Variants in ISX observed in about 807,000 individuals in gnomAD.
ISX encodes the protein intestine specific homeobox, also known as intestine-specific homeobox.
A neutral mutation model predicts 16.9 loss-of-function variants in ISX; 15 were observed. The ratio of observed to expected loss-of-function variants is 0.89; its 90% CI spans 0.59 to 1.36. The LOEUF (loss-of-function observed/expected upper bound fraction) is 1.36, where lower values mean the gene tolerates loss of function less well. Ranked by LOEUF, ISX falls within the 40% of genes most tolerant of loss-of-function variation. The probability of loss-of-function intolerance (pLI) is 0.00; values close to 1 mark genes in which losing one functional copy is unlikely to be tolerated. For synonymous variants in ISX, 125 were observed against 119.7 expected (o/e 1.04, Z -0.29); for missense variants, 316 against 306.1 (o/e 1.03, Z -0.24).
Position 35,067,209 on chromosome 22 carries a change from C to A in ISX, c.122C>A (p.Ala41Asp). Reference protein sequence around the residue: ...FSIEAILKRPARRSDMDRPEG... With the variant: ...FSIEAILKRPDRRSDMDRPEG... ...ATTGAGGCGATCCTAAAGAGGCCTG[C>A]CAGGAGGAGTGATATGGACAGACCA... Residue 41 changes from alanine (A) to aspartate (D), a missense_variant, in exon 2 of 5, where the codon GCC (alanine) becomes GAC (aspartate). Coordinates refer to ENST00000404699, the MANE Select transcript of ISX (RefSeq NM_001303508.2). The A allele has an allele frequency of 6.2e-7, 1 of 1,610,900 alleles. No individual in the cohort carries two copies. Among genetic ancestry groups the A allele is most frequent in the Non-Finnish European group, 8.5e-7 (1 of 1,178,516 alleles).
chr22:35,073,605 T>G (rs956620949), intron 2 of ISX, among the ~76,000 whole-genome samples: 8 of 152,182 alleles, frequency 5.3e-5, no homozygotes, highest in Non-Finnish European at 8.8e-5. Context: ...TCCAAGGGAC[T>G]ATTCCATGGG....
Position 35,080,070 on chromosome 22 carries a change from C to G in ISX, c.230-2448C>G, listed in dbSNP as rs138209758. ...ATAATTGGTCTCTCTGCAGCATGGA[C>G]CCAGCTGACTGTGCCTTCTTTCAGT... On this transcript the variant is annotated intron_variant, in intron 2 of 4. Coordinates refer to ENST00000404699, the MANE Select transcript of ISX (RefSeq NM_001303508.2). Among the ~76,000 whole-genome samples the G allele has an allele frequency of 9.4e-4, 143 of 152,272 alleles. 1 individual carries two copies. The highest frequency in any genetic ancestry group is 3.3e-3 in the African/African-American group (138 of 41,560).
chr22:35,067,375 A>G, intron 2 of ISX, 59 bp downstream of exon 2: 1 of 1,246,558 alleles, frequency 8.0e-7, no homozygotes, highest in Non-Finnish European at 1.1e-6. Context: ...AGCTGGGCTC[A>G]GGCAGAGAAA....
At chr22:35,075,071 C>G (rs73883512) in intron 2 of ISX, among the ~76,000 whole-genome samples, 14 of 152,128 alleles carry the variant, frequency 9.2e-5, no homozygotes, top group Non-Finnish European at 1.6e-4. Context: ...AATACAAATA[C>G]GATATACAAA....
chr22:35,071,490 G>A lies in ISX; in HGVS notation c.229+4174G>A, dbSNP rs141609995. On this transcript the variant is annotated intron_variant, in intron 2 of 4. Transcript: ENST00000404699. ...CCTTATTCTTCTTTGACTTGTAGACGCATCACTCCACTTTGCCTCCATCTT... is the reference window on the plus strand; with the variant it reads ...CCTTATTCTTCTTTGACTTGTAGACACATCACTCCACTTTGCCTCCATCTT... 2.5e-3 allele frequency among the ~76,000 whole-genome samples: 383 copies of A among 152,196 alleles called. 4 individuals are homozygous for A. Among genetic ancestry groups the A allele is most frequent in the African/African-American group, 8.1e-3 (337 of 41,518 alleles).
At chr22:35,083,705 G>T (rs73168073) in intron 3 of ISX, among the ~76,000 whole-genome samples, 148 of 152,194 alleles carry the variant, frequency 9.7e-4, no homozygotes, top group Non-Finnish European at 1.9e-3. Context: ...TTTCCTTCTG[G>T]CTGGGGACCA....
intron 2 of ISX, among the ~76,000 whole-genome samples, chr22:35,068,371 C>T (rs1240088947): frequency 2.6e-5 from 4 of 152,202 alleles, no homozygotes; most frequent in African/African-American, 4.8e-5. Context: ...GATGAGGGGT[C>T]GCACTCAGCT....
chr22:35,082,816 A>G (rs1569113900), intron 3 of ISX, 147 bp downstream of exon 3: 1 of 782,162 alleles, frequency 1.3e-6, no homozygotes, highest in East Asian at 2.7e-5. Context: ...GCCAAATATT[A>G]TTTTCCATGA....
chr22:35,084,361 C>A (rs749440828), intron 3 of ISX, 22 bp from the exon 4 acceptor site: 2 of 1,554,180 alleles, frequency 1.3e-6, no homozygotes, highest in Non-Finnish European at 1.8e-6. Flanking sequence ...TGCTTATCCC[C>A]GTCCTTTCTC....
chr22:35,076,584 A>C (rs1601558818), intron 2 of ISX, among the ~76,000 whole-genome samples: 1 of 152,134 alleles, frequency 6.6e-6, no homozygotes, highest in African/African-American at 2.4e-5. Flanking sequence ...TGGTGAACCC[A>C]CTGTTTTCAG....
intron 2 of ISX, among the ~76,000 whole-genome samples, chr22:35,081,219 G>A (rs1459833063): frequency 6.6e-6 from 1 of 152,210 alleles, no homozygotes; most frequent in Non-Finnish European, 1.5e-5. Context: ...ATCCCAGACC[G>A]AGGTGATTGT....
intron 2 of ISX, among the ~76,000 whole-genome samples, chr22:35,067,932 C>T (rs1438032344): frequency 6.6e-6 from 1 of 152,228 alleles, no homozygotes; most frequent in Non-Finnish European, 1.5e-5. Flanking sequence ...GGCATGTCCC[C>T]AGATAACAGT....
At position 35,082,684 on chromosome 22, in the gene ISX, A is replaced by T. The variant is rs1929151351; in HGVS notation, c.381+15A>T. 4 of 1,613,480 alleles carry T rather than the reference A, an allele frequency of 2.5e-6. No homozygotes were observed. Among genetic ancestry groups the T allele is most frequent in the Middle Eastern group, 1.6e-4 (1 of 6,084 alleles). On this transcript the variant is annotated intron_variant, in intron 3 of 4. Coordinates refer to ENST00000404699, the MANE Select transcript of ISX (RefSeq NM_001303508.2). ...CTCGGGTGCAGGTACAGCCATCCCT[A>T]CCTCAGCCCCCAGCCTCCATGCCCT...
chr22:35,079,197 G>C (rs1929063933), intron 2 of ISX, among the ~76,000 whole-genome samples: 1 of 152,196 alleles, frequency 6.6e-6, no homozygotes, highest in African/African-American at 2.4e-5. Flanking sequence ...TTCTTAGTAT[G>C]TGATGGCTTT....
rs905128157 is a variant in ISX at position 35,085,771 on chromosome 22, G to A, written c.*78G>A. The A allele has an allele frequency of 3.2e-6, 5 of 1,585,556 alleles. No homozygotes were observed. The African/African-American group carries it at 4.0e-5, about 13-fold the overall frequency. ...GGTAGCAGATGTGCCCTGGGCCTCT[G>A]GGGAAATCGATTTCACAATCCAAAA... is the stretch of plus-strand genomic sequence containing the variant. On this transcript the variant is annotated 3_prime_UTR_variant, in exon 5 of 5. Transcript: ENST00000404699.
intron 2 of ISX, among the ~76,000 whole-genome samples, chr22:35,072,496 G>T (rs361801): frequency 1.3e-5 from 2 of 151,900 alleles, no homozygotes; most frequent in South Asian, 2.1e-4. Flanking sequence ...ATTATCCAAA[G>T]ATTTGATCCC....
chr22:35,068,375 C>T (rs966327927), intron 2 of ISX, among the ~76,000 whole-genome samples: 4 of 152,186 alleles, frequency 2.6e-5, no homozygotes, highest in Non-Finnish European at 5.9e-5. Flanking sequence ...AGGGGTCGCA[C>T]TCAGCTGCAG....
chr22:35,080,633 A>G (rs535374631), intron 2 of ISX, among the ~76,000 whole-genome samples: 7 of 152,280 alleles, frequency 4.6e-5, no homozygotes, highest in African/African-American at 1.7e-4. Flanking sequence ...AGCTCATCCT[A>G]CTAATCACAT....
intron 4 of ISX, 135 bp from the exon 5 acceptor site, chr22:35,085,319 A>G (rs1929224460): frequency 9.2e-7 from 1 of 1,091,266 alleles, no homozygotes; most frequent in Admixed American, 1.9e-5. Context: ...AGCTAAACCC[A>G]GAAGGTCCTG....
Sources: allele counts gnomAD v4.1 joint callset (sites outside exome capture counted in the v4.1 genomes callset), GRCh38; gene constraint gnomAD v4.1.1; transcripts MANE v1.5; gene names NCBI Gene and HGNC (gene_info 2026-07-23, HGNC 2026-07-21).